Variants in NUP214 observed in about 807,000 individuals in gnomAD.
The protein encoded by NUP214 is nuclear pore complex protein Nup214.
A neutral mutation model predicts 196.2 loss-of-function variants in NUP214; 79 were observed. The ratio of observed to expected loss-of-function variants is 0.40; its 90% CI spans 0.34 to 0.49. The LOEUF (loss-of-function observed/expected upper bound fraction) is 0.49, where lower values mean the gene tolerates loss of function less well. NUP214 is among the 20% of genes least tolerant of loss of function. The pLI is 0.58. For missense variants in NUP214, 2,468 were observed against 2,539.0 expected (o/e 0.97, Z 0.60); for synonymous variants, 1,020 against 990.5 (o/e 1.03, Z -0.56).
intron 30 of NUP214, among the ~76,000 whole-genome samples, chr9:131,207,618 C>T (rs1371122391): frequency 6.6e-6 from 1 of 152,238 alleles, no homozygotes; most frequent in Non-Finnish European, 1.5e-5. Context: ...TCAAGGCACT[C>T]ACAAAGTCCC....
chr9:131,177,557 G>A (rs1188952955), intron 23 of NUP214, among the ~76,000 whole-genome samples: 5 of 152,160 alleles, frequency 3.3e-5, no homozygotes, highest in Admixed American at 3.3e-4. Flanking sequence ...TCACTTCTTT[G>A]AAAGAGGGAA....
chr9:131,222,939 A>C lies in NUP214; in HGVS notation c.5902+9A>C. 6.2e-7 allele frequency: 1 copy of C among 1,612,570 alleles called. No individual in the cohort carries two copies. The highest frequency in any genetic ancestry group is 1.7e-4 in the Middle Eastern group (1 of 6,046). ...CTCTCCAAACAAAACAGGTACTCCT[A>C]TGTCTATTTGTTATGGTTATCTTTA... On this transcript the variant is annotated intron_variant, in intron 32 of 35. Transcript: ENST00000359428.
chr9:131,192,412 C>A, intron 27 of NUP214, 120 bp downstream of exon 27: 2 of 540,970 alleles, frequency 3.7e-6, no homozygotes, highest in African/African-American at 2.0e-5. Flanking sequence ...CTTACCGTGG[C>A]AGTAATACAT....
Position 131,175,450 on chromosome 9 carries a change from T to C in NUP214, c.3158-10T>C. 1 of 1,614,026 alleles carries C rather than the reference T, an allele frequency of 6.2e-7. No homozygotes were observed. The highest frequency in any genetic ancestry group is 8.5e-7 in the Non-Finnish European group (1 of 1,179,906). On this transcript the variant is annotated splice_polypyrimidine_tract_variant and intron_variant, in intron 22 of 35. Transcript: ENST00000359428. ...CACCCACTCACACTTAATTTTTCTT[T>C]TCCTCTTAGTGGCTACATCTGCTAG...
Position 131,159,428 on chromosome 9 carries a change from G to A in NUP214, c.2482G>A (p.Val828Met), listed in dbSNP as rs765165972. 2 of 1,614,132 alleles carry A rather than the reference G, an allele frequency of 1.2e-6. No individual in the cohort carries two copies. Among genetic ancestry groups the A allele is most frequent in the Admixed American group, 3.3e-5 (2 of 60,024 alleles). The change falls in exon 18 of 36, where the codon GTG becomes ATG. Residue 828 changes from valine to methionine, a missense_variant. Val to Met is a conservative substitution (Grantham distance 21). Coordinates refer to ENST00000359428, the MANE Select transcript of NUP214 (RefSeq NM_005085.4). Reference sequence around the variant, plus strand: ...GTATGTGAAATTTGCTGTCCAAGATGTGAATGATGTTCTAGACTTGGAGTG... The same window carrying A: ...GTATGTGAAATTTGCTGTCCAAGATATGAATGATGTTCTAGACTTGGAGTG... ...HQYVKFAVQD[V>M]NDVLDLEWDQ...
At chr9:131,192,356 T>G (rs1289353125) in intron 27 of NUP214, 64 bp downstream of exon 27, 1 of 950,824 alleles carries the variant, frequency 1.1e-6, no homozygotes, top group African/African-American at 1.7e-5. Flanking sequence ...ATCTTACAAT[T>G]ATAGATATAT....
At chr9:131,127,244 A>G (rs1249960369) in intron 1 of NUP214, among the ~76,000 whole-genome samples, 4 of 152,146 alleles carry the variant, frequency 2.6e-5, no homozygotes, top group East Asian at 1.9e-4. Flanking sequence ...TTAGATGGCC[A>G]TGGTGGCGGG....
At position 131,222,844 on chromosome 9, in the gene NUP214, GA is replaced by G. The variant is rs2131094958; in HGVS notation, c.5817del (p.Glu1940SerfsTer203). On this transcript the variant is annotated frameshift_variant, in exon 32 of 36. Transcript: ENST00000359428. LOFTEE classifies it high-confidence loss of function. ...TFGGFASSSF[G>X]EQKPTGTFSS... ...GGTGGATTTGCCAGCTCGTCGTTTG[GA>G]GAGCAGAAACCCACTGGCACTTTCA... The G allele has an allele frequency of 6.2e-7, 1 of 1,614,214 alleles. No individual in the cohort carries two copies. The highest frequency in any genetic ancestry group is 2.2e-5 in the East Asian group (1 of 44,880).
At chr9:131,160,184 A>G (rs897024505) in intron 18 of NUP214, among the ~76,000 whole-genome samples, 1 of 152,140 alleles carries the variant, frequency 6.6e-6, no homozygotes, top group Non-Finnish European at 1.5e-5. Flanking sequence ...ATATATAACT[A>G]TTTCGCTATA....
chr9:131,183,382 GCTGA>G (rs1013512624), intron 24 of NUP214, among the ~76,000 whole-genome samples: 32 of 152,308 alleles, frequency 2.1e-4, no homozygotes, highest in East Asian at 7.7e-4. Context: ...ACCGCGCCCG[GCTGA>G]CTATCTTTTA....
At position 131,150,700 on chromosome 9, in the gene NUP214, A is replaced by C. The variant is rs1339810603; in HGVS notation, c.2212A>C (p.Lys738Gln). 4 of 1,614,228 alleles carry C rather than the reference A, an allele frequency of 2.5e-6. No individual in the cohort carries two copies. The highest frequency in any genetic ancestry group is 3.4e-6 in the Non-Finnish European group (4 of 1,180,036). ...CFQVGTSEEM[K>Q]MLRTESDDLH... The stretch of plus-strand genomic sequence containing the variant: ...CCAAGTGGGCACTTCTGAGGAGATG[A>C]AGATGCTGCGAACAGAATCAGATGA... The change falls in exon 16 of 36, where the codon AAG becomes CAG. Residue 738 changes from lysine to glutamine, a missense_variant. Transcript: ENST00000359428.
At chr9:131,201,304 T>G (rs922121432) in intron 29 of NUP214, among the ~76,000 whole-genome samples, 3 of 151,438 alleles carry the variant, frequency 2.0e-5, no homozygotes, top group Non-Finnish European at 4.4e-5. Context: ...CCGTCTGTAC[T>G]GAAAATACAA....
chr9:131,196,307 C>T (rs1185060954), intron 28 of NUP214, among the ~76,000 whole-genome samples: 3 of 151,814 alleles, frequency 2.0e-5, no homozygotes, highest in Non-Finnish European at 4.4e-5. Flanking sequence ...TACAGGCGCC[C>T]ACCACCACAT....
Position 131,198,547 on chromosome 9 carries a change from C to G in NUP214, c.5053C>G (p.Leu1685Val). 6.2e-7 allele frequency: 1 copy of G among 1,614,238 alleles called. No individual in the cohort carries two copies. The highest frequency in any genetic ancestry group is 8.5e-7 in the Non-Finnish European group (1 of 1,180,046). The stretch of plus-strand genomic sequence containing the variant: ...AGTGGCAGCCAGCACCGCACCAAGT[C>G]TGTTTGGGCAGCAGACTGGTAGCAC... ...GQVAASTAPS[L>V]FGQQTGSTAS... Residue 1685 changes from leucine to valine, a missense_variant, in exon 29 of 36, where the codon CTG (leucine) becomes GTG (valine). Physicochemically the swap from Leu to Val is conservative, Grantham distance 32. This residue lies in a region of NUP214 where 1,801 missense variants were observed against 1,779.4 expected (regional missense o/e 1.01). Coordinates refer to ENST00000359428, the MANE Select transcript of NUP214 (RefSeq NM_005085.4).
At position 131,146,170 on chromosome 9, in the gene NUP214, A is replaced by G; in HGVS notation, c.1811A>G (p.Gln604Arg). ...AATSTPVSSS[Q>R]SAPPMSPFSS... ...ACCTCTACTCCTGTTAGTAGCTCCCAGAGCGCACCCCCGATGTCGCCATTC... is the reference window on the plus strand; with the variant it reads ...ACCTCTACTCCTGTTAGTAGCTCCCGGAGCGCACCCCCGATGTCGCCATTC... Residue 604 changes from glutamine to arginine, a missense_variant, in exon 13 of 36, where the codon CAG (glutamine) becomes CGG (arginine). By Grantham distance (43) the Gln-to-Arg change is conservative (BLOSUM62 1). Transcript: ENST00000359428. The surrounding 1 kb of genome is among the most constrained non-coding windows in gnomAD (Gnocchi z 4.6). The G allele has an allele frequency of 6.2e-7, 1 of 1,614,156 alleles. No individual in the cohort carries two copies. The highest frequency in any genetic ancestry group is 8.5e-7 in the Non-Finnish European group (1 of 1,180,020).
chr9:131,180,305 A>G (rs1429156226), intron 24 of NUP214, among the ~76,000 whole-genome samples: 2 of 152,248 alleles, frequency 1.3e-5, no homozygotes. Context: ...AATAATAGGT[A>G]AACTCTACTC....
intron 11 of NUP214, among the ~76,000 whole-genome samples, chr9:131,141,079 A>G (rs748381338): frequency 4.0e-5 from 6 of 151,884 alleles, no homozygotes; most frequent in Middle Eastern, 3.4e-3. Context: ...GTGAAATGCC[A>G]TGTACCAATT....
Position 131,129,516 on chromosome 9 carries a change from T to C in NUP214, c.592+39T>C, listed in dbSNP as rs201003259. ...GCTTTCACACTGTAGCATACAATCA[T>C]GGTCATCTACTTAAGAATTGATTTC... is the stretch of plus-strand genomic sequence containing the variant. On this transcript the variant is annotated intron_variant, in intron 4 of 35. Transcript: ENST00000359428. 4.3e-5 allele frequency: 68 copies of C among 1,576,200 alleles called. No individual in the cohort carries two copies. In the African/African-American group the frequency reaches 8.6e-4, roughly 20 times the overall value.
At chr9:131,216,256 G>A (rs1405576966) in intron 31 of NUP214, among the ~76,000 whole-genome samples, 1 of 127,730 alleles carries the variant, frequency 7.8e-6, no homozygotes, top group African/African-American at 3.0e-5. Context: ...ACAGAGTCTT[G>A]CTCTGTCACC....
Sources: allele counts gnomAD v4.1 joint callset (sites outside exome capture counted in the v4.1 genomes callset), GRCh38; gene constraint gnomAD v4.1.1; regional missense constraint gnomAD v4.1.1; non-coding constraint Gnocchi (gnomAD v3.1); transcripts MANE v1.5; gene names NCBI Gene and HGNC (gene_info 2026-07-23, HGNC 2026-07-21).